The following AVEN variants were observed in gnomAD, a reference collection of about 807,000 sequenced individuals.
AVEN encodes the protein cell death regulator Aven.
AVEN carries 41 observed loss-of-function variants against 38.1 expected under a neutral mutation model. The observed-to-expected ratio is 1.08, with a 90% CI of 0.84 to 1.40. The LOEUF (loss-of-function observed/expected upper bound fraction) is 1.40. Among genes scored for constraint, AVEN ranks in the 40% most tolerant of loss-of-function variants. AVEN has a pLI of 0.00. For missense variants in AVEN, 605 were observed against 438.8 expected (o/e 1.38, Z -3.38); for synonymous variants, 206 against 171.8 (o/e 1.20, Z -1.56).
chr15:33,903,156 G>C (rs1244276670), intron 2 of AVEN, among the ~76,000 whole-genome samples: 1 of 152,138 alleles, frequency 6.6e-6, no homozygotes, highest in African/African-American at 2.4e-5. Context: ...ATACTCACCC[G>C]CAGTATTTGA....
intron 2 of AVEN, among the ~76,000 whole-genome samples, chr15:33,885,375 A>G (rs1891661987): frequency 6.6e-6 from 1 of 152,202 alleles, no homozygotes; most frequent in Non-Finnish European, 1.5e-5. Context: ...CCTACAGGAC[A>G]TAAAAATTCT....
intron 2 of AVEN, chr15:33,968,597 GT>G (rs1399642278): frequency 2.6e-5 from 4 of 152,060 alleles, no homozygotes; most frequent in African/African-American, 9.7e-5. Context: ...AGAAGCATGG[GT>G]TACAAAAGCA....
chr15:33,887,430 A>C (rs971679926), intron 2 of AVEN, among the ~76,000 whole-genome samples: 4 of 152,218 alleles, frequency 2.6e-5, no homozygotes, highest in African/African-American at 9.6e-5. Context: ...GTAAAATTCT[A>C]GTTTCCAGCA....
At chr15:33,970,697 T>A (rs1205431228) in intron 2 of AVEN, among the ~76,000 whole-genome samples, 1 of 152,004 alleles carries the variant, frequency 6.6e-6, no homozygotes, top group Non-Finnish European at 1.5e-5. Flanking sequence ...GACAAAAGTA[T>A]GAAATTTCTA....
chr15:34,038,771 G>C lies in AVEN; in HGVS notation c.267+9C>G. The C allele has an allele frequency of 1.7e-6, 2 of 1,168,364 alleles. No individual in the cohort carries two copies. The highest frequency in any genetic ancestry group is 2.1e-6 in the Non-Finnish European group (2 of 948,900). 72.4% of individuals were successfully genotyped at this position (1,168,364 alleles called of 1,614,324 possible). A position where few individuals can be genotyped will look rare whatever the true frequency, so the allele number is the denominator to read the frequency against. On this transcript the variant is annotated intron_variant, in intron 1 of 5. Transcript: ENST00000306730. ...CGCGGTCCCAGCCCCACCAGCCGTC[G>C]CCTCTTACCGGCGCGCTGGCCCCTG...
chr15:34,067,471 G>A lies in AVEN; in HGVS notation n.785-660C>T, dbSNP rs559949158. The A allele has an allele frequency of 2.6e-5, 4 of 152,324 alleles. No individual in the cohort carries two copies. The South Asian group carries it at 8.3e-4, about 32-fold the overall frequency. 9.4% of individuals were successfully genotyped at this position (152,324 alleles called of 1,614,324 possible). On this transcript the variant is annotated intron_variant and non_coding_transcript_variant, in intron 2 of 11. Transcript: ENST00000675287. ...AAATTTAACCGCACAGTGGTCCAAT[G>A]CAGAGCATTTAAATAAGAAAATTGT...
At chr15:34,047,872 C>T (rs1899769575) in intron 5 of AVEN, among the ~76,000 whole-genome samples, 1 of 152,118 alleles carries the variant, frequency 6.6e-6, no homozygotes, top group African/African-American at 2.4e-5. Flanking sequence ...CCTCAGCCTC[C>T]CGCACCCTGT....
At chr15:33,854,663 C>G (rs955935513), downstream of AVEN, 1 of 1,438,522 alleles carries the variant, frequency 7.0e-7, no homozygotes, top group East Asian at 2.3e-5. Context: ...AGCACCTAAA[C>G]CCCCTCTATC....
At chr15:33,954,003 A>G (rs1401079166) in intron 2 of AVEN, among the ~76,000 whole-genome samples, 1 of 152,252 alleles carries the variant, frequency 6.6e-6, no homozygotes, top group Non-Finnish European at 1.5e-5. Flanking sequence ...ATATGAACAG[A>G]CACTTCTCAA....
chr15:34,073,521 T>TTC, intron 1 of AVEN, among the ~76,000 whole-genome samples: 1 of 126 alleles, frequency 7.9e-3, no homozygotes, highest in South Asian at 0.5. Context: ...TCTTTTTTCT[T>TTC]TTTTTTTTTT....
chr15:34,028,101 AC>A (rs891910966), intron 1 of AVEN, among the ~76,000 whole-genome samples: 1 of 151,936 alleles, frequency 6.6e-6, no homozygotes, highest in South Asian at 2.1e-4. Context: ...ACACAGAGAG[AC>A]CCCCCCTCAG....
downstream of AVEN, chr15:33,865,101 A>G: frequency 1.3e-6 from 2 of 1,564,150 alleles, no homozygotes; most frequent in Non-Finnish European, 1.8e-6. Flanking sequence ...GTGGTTTAAA[A>G]ATAAGCACCC....
intron 2 of AVEN, among the ~76,000 whole-genome samples, chr15:33,905,886 C>A (rs1268466861): frequency 2.0e-5 from 3 of 151,788 alleles, no homozygotes; most frequent in Non-Finnish European, 4.4e-5. Context: ...CAACCAAATG[C>A]ACTGAAACAC....
chr15:34,045,026 C>T (rs947522571), intron 5 of AVEN, among the ~76,000 whole-genome samples: 17 of 151,942 alleles, frequency 1.1e-4, no homozygotes, highest in South Asian at 2.1e-4. Flanking sequence ...CCAGCCTGGG[C>T]GACAGAGCGA....
intron 2 of AVEN, among the ~76,000 whole-genome samples, chr15:33,971,636 A>G (rs115142526): frequency 0.015 from 2,209 of 152,148 alleles, 54 homozygotes; most frequent in African/African-American, 0.05. Flanking sequence ...TTAAAGGGAC[A>G]TTGCATAATA....
upstream of AVEN, among the ~76,000 whole-genome samples, chr15:34,041,362 C>T (rs527669583): frequency 3.3e-5 from 5 of 152,180 alleles, no homozygotes; most frequent in African/African-American, 1.2e-4. Flanking sequence ...ATTTATCCAG[C>T]CTTAAATTTG....
At chr15:34,066,826 G>A (rs200104019) in intron 2 of AVEN, 4 of 52,674 alleles carry the variant, frequency 7.6e-5, no homozygotes, top group East Asian at 6.9e-4. Flanking sequence ...AAAAAAAAAA[G>A]AGAGAGAGAG....
intron 2 of AVEN, among the ~76,000 whole-genome samples, chr15:33,952,238 A>G (rs1177688609): frequency 6.6e-6 from 1 of 152,184 alleles, no homozygotes; most frequent in African/African-American, 2.4e-5. Context: ...CACATCAAAA[A>G]GGGGAAAAAA....
At chr15:33,872,549 C>T (rs1052764538) in intron 3 of AVEN, among the ~76,000 whole-genome samples, 6 of 151,890 alleles carry the variant, frequency 4.0e-5, no homozygotes, top group African/African-American at 7.3e-5. Context: ...CTCTGGGTGG[C>T]GTGGGGGGAG....
Sources: allele counts gnomAD v4.1 joint callset (sites outside exome capture counted in the v4.1 genomes callset), GRCh38; gene constraint gnomAD v4.1.1; transcripts MANE v1.5; gene names NCBI Gene and HGNC (gene_info 2026-07-23, HGNC 2026-07-21).